The following SINHCAF variants were observed in gnomAD, a reference collection of about 807,000 sequenced individuals.
SINHCAF encodes the protein SIN3-HDAC complex associated factor.
In SINHCAF, 3 loss-of-function variants were observed where a neutral mutation model predicts 25.8. The observed-to-expected ratio is 0.12, with a 90% CI of 0.05 to 0.30. SINHCAF has a LOEUF of 0.30. Ranked by LOEUF, SINHCAF falls within the 10% of genes least tolerant of loss-of-function variation. The pLI, the probability that SINHCAF is intolerant of heterozygous loss-of-function variation, is 1.00. For synonymous variants in SINHCAF, 70 were observed against 85.5 expected (o/e 0.82, Z 1.00); for missense variants, 121 against 262.3 (o/e 0.46, Z 3.72).
intron 1 of SINHCAF, among the ~76,000 whole-genome samples, chr12:31,301,367 G>C (rs887318078): frequency 6.6e-6 from 1 of 152,076 alleles, no homozygotes; most frequent in Admixed American, 6.6e-5. Flanking sequence ...ATATAGTTCC[G>C]TGACCTTACT....
intron 1 of SINHCAF, among the ~76,000 whole-genome samples, chr12:31,306,173 T>C (rs1191809329): frequency 6.6e-6 from 1 of 152,196 alleles, no homozygotes; most frequent in Non-Finnish European, 1.5e-5. Flanking sequence ...ATGCATATCA[T>C]TACCAATACA....
intron 2 of SINHCAF, among the ~76,000 whole-genome samples, chr12:31,297,536 G>C (rs1287459840): frequency 1.4e-5 from 2 of 141,312 alleles, no homozygotes; most frequent in Non-Finnish European, 3.0e-5. Flanking sequence ...GCAGTGGCGT[G>C]ATCTCGGCTC....
intron 3 of SINHCAF, among the ~76,000 whole-genome samples, 163 bp from the exon 4 acceptor site, chr12:31,294,094 A>G (rs1382692401): frequency 6.6e-6 from 1 of 152,142 alleles, no homozygotes; most frequent in Non-Finnish European, 1.5e-5. Context: ...AATAAATAAT[A>G]TTTATCTACT....
At chr12:31,285,069 T>C (rs558303557) in intron 5 of SINHCAF, among the ~76,000 whole-genome samples, 2 of 152,238 alleles carry the variant, frequency 1.3e-5, no homozygotes, top group South Asian at 4.1e-4. Flanking sequence ...GTGCTATACC[T>C]CTCAATTTAT....
intron 1 of SINHCAF, among the ~76,000 whole-genome samples, chr12:31,310,418 GT>G (rs1939219975): frequency 6.6e-6 from 1 of 152,248 alleles, no homozygotes; most frequent in East Asian, 1.9e-4. Context: ...AGGAGTCCTA[GT>G]TTTCCAGTTT....
intron 1 of SINHCAF, among the ~76,000 whole-genome samples, chr12:31,315,598 A>T (rs1409020726): frequency 2.0e-5 from 3 of 152,228 alleles, no homozygotes; most frequent in Non-Finnish European, 4.4e-5. Flanking sequence ...CAGTTAAAAC[A>T]TGCCTATTTA....
At position 31,282,267 on chromosome 12, in the gene SINHCAF, C is replaced by A. The variant is rs1937835451; in HGVS notation, c.*445G>T. On this transcript the variant is annotated 3_prime_UTR_variant, in exon 6 of 6. Coordinates refer to ENST00000337682, the MANE Select transcript of SINHCAF (RefSeq NM_001135812.2). ...TTCAGCTTTCCTATGAAATACTCAG[C>A]ATCTTAAATATTATATACAACTCTT... 6.5e-6 allele frequency: 1 copy of A among 152,768 alleles called. No individual in the cohort carries two copies. The highest frequency in any genetic ancestry group is 2.4e-5 in the African/African-American group (1 of 41,350). The allele number at this position is 152,768 out of a possible 1,614,324, so 9.5% of individuals were successfully genotyped here. A position where few individuals can be genotyped will look rare whatever the true frequency, so the allele number is the denominator to read the frequency against.
intron 2 of SINHCAF, among the ~76,000 whole-genome samples, chr12:31,297,219 A>G (rs941111071): frequency 3.3e-5 from 5 of 152,010 alleles, no homozygotes; most frequent in African/African-American, 4.8e-5. Flanking sequence ...TTTTATTTTT[A>G]TTTTAGTATC....
intron 1 of SINHCAF, among the ~76,000 whole-genome samples, chr12:31,323,325 T>G (rs144629391): frequency 4.3e-4 from 66 of 151,802 alleles, no homozygotes; most frequent in African/African-American, 1.6e-3. Flanking sequence ...GACATAAAAT[T>G]TTAAAAGGCT....
intron 1 of SINHCAF, among the ~76,000 whole-genome samples, chr12:31,305,581 T>C (rs1938988471): frequency 6.6e-6 from 1 of 152,122 alleles, no homozygotes; most frequent in South Asian, 2.1e-4. Context: ...ATTCCATTGG[T>C]CCATTCTACC....
At chr12:31,309,127 CAAAAAAA>C (rs757095598) in intron 1 of SINHCAF, among the ~76,000 whole-genome samples, 6 of 75,428 alleles carry the variant, frequency 8.0e-5, no homozygotes, top group East Asian at 3.7e-4. Flanking sequence ...GATTCTGTCT[CAAAAAAA>C]AAAAAAAAAA....
intron 4 of SINHCAF, among the ~76,000 whole-genome samples, chr12:31,289,978 C>T (rs1938237011): frequency 6.6e-6 from 1 of 151,876 alleles, no homozygotes; most frequent in South Asian, 2.1e-4. Context: ...GCACACACCA[C>T]CACACTCGGC....
At chr12:31,305,696 ATTTTTTTTTT>A (rs751436938) in intron 1 of SINHCAF, among the ~76,000 whole-genome samples, 1 of 130,794 alleles carries the variant, frequency 7.6e-6, no homozygotes. Flanking sequence ...ATATAGGCCA[ATTTTTTTTTT>A]TTTTTTTTTT....
chr12:31,317,922 G>A (rs571126555), intron 1 of SINHCAF, among the ~76,000 whole-genome samples: 2 of 152,284 alleles, frequency 1.3e-5, no homozygotes, highest in East Asian at 3.9e-4. Context: ...ACTTTGAAGT[G>A]AAGGAGATGC....
chr12:31,323,829 C>A (rs1939815497), intron 1 of SINHCAF: 1 of 421,294 alleles, frequency 2.4e-6, no homozygotes, highest in Non-Finnish European at 4.9e-6. Flanking sequence ...GGGGCTGGGT[C>A]CCCTGGACTT....
intron 1 of SINHCAF, among the ~76,000 whole-genome samples, chr12:31,302,294 A>C (rs1229493703): frequency 6.6e-6 from 1 of 152,070 alleles, no homozygotes; most frequent in Non-Finnish European, 1.5e-5. Flanking sequence ...GAGTATACTA[A>C]AAGCCACTGA....
Position 31,324,977 on chromosome 12 carries a change from C to T in SINHCAF, c.-21+1047G>A, listed in dbSNP as rs1386017748. 10 of 456,672 alleles carry T rather than the reference C, an allele frequency of 2.2e-5. No individual in the cohort carries two copies. The Admixed American group carries it at 2.3e-4, about 11-fold the overall frequency. 28.3% of individuals were successfully genotyped at this position (456,672 alleles called of 1,614,324 possible). On this transcript the variant is annotated intron_variant, in intron 1 of 5. Transcript: ENST00000337682. This position sits in a 1 kb window ranked among gnomAD's most constrained non-coding sequence, Gnocchi z 5.5. ...GGCCGGACCTGCCCGACGGCGGCCG[C>T]ATCCCACGGCTCACGCGGGGCTGGA...
chr12:31,282,448 C>A lies in SINHCAF; in HGVS notation c.*264G>T. 1 of 275,048 alleles carries A rather than the reference C, an allele frequency of 3.6e-6. No homozygotes were observed. Among genetic ancestry groups the A allele is most frequent in the Non-Finnish European group, 6.7e-6 (1 of 148,878 alleles). 17.0% of individuals were successfully genotyped at this position (275,048 alleles called of 1,614,324 possible). ...GACCAGCCTGGCCAACGTGGTGAAA[C>A]CCCGTCTCTACTAAAACTAAAAAAT... On this transcript the variant is annotated 3_prime_UTR_variant, in exon 6 of 6. Transcript: ENST00000337682.
chr12:31,321,569 T>G (rs114763554), intron 1 of SINHCAF, among the ~76,000 whole-genome samples: 97 of 152,298 alleles, frequency 6.4e-4, no homozygotes, highest in African/African-American at 2.3e-3. Context: ...TACAACTTAT[T>G]TAAAATAGGT....
Sources: gnomAD v4.1 joint callset for allele counts (sites outside exome capture counted in the v4.1 genomes callset) on GRCh38, gnomAD v4.1.1 for gene constraint, Gnocchi (gnomAD v3.1) non-coding constraint, MANE v1.5 for transcripts, NCBI Gene and HGNC (gene_info 2026-07-23, HGNC 2026-07-21) for gene names.